The following TASOR2 variants were observed in gnomAD, a reference collection of about 807,000 sequenced individuals.
TASOR2 encodes transcription activation suppressor family member 2, also known as protein TASOR 2.
TASOR2 carries 84 observed loss-of-function variants against 199.5 expected under a neutral mutation model. The ratio of observed to expected loss-of-function variants is 0.42; its 90% CI spans 0.35 to 0.50. The LOEUF is 0.50. Among genes scored for constraint, TASOR2 ranks in the 20% least tolerant of loss-of-function variants. TASOR2 has a pLI of 0.02. For synonymous variants in TASOR2, 1,103 were observed against 1,046.6 expected, an observed-to-expected ratio of 1.05 and a Z score of -1.04; for missense variants, 2,796 against 2,835.9, an observed-to-expected ratio of 0.99 and a Z score of 0.32.
intron 12 of TASOR2, among the ~76,000 whole-genome samples, chr10:5,736,954 TTGTTG>T (rs1835695800): frequency 6.6e-6 from 1 of 151,320 alleles, no homozygotes; most frequent in Admixed American, 6.6e-5. Flanking sequence ...AGAAATTGGA[TTGTTG>T]TTTTGTTTTG....
intron 14 of TASOR2, among the ~76,000 whole-genome samples, chr10:5,745,317 C>T (rs1384286169): frequency 1.3e-5 from 2 of 151,972 alleles, no homozygotes; most frequent in Non-Finnish European, 1.5e-5. Flanking sequence ...CAGTTTCATG[C>T]AAAGAAGATA....
At chr10:5,763,147 A>C in exon 21 of TASOR2, 1 of 976,948 alleles carries the variant, frequency 1.0e-6, no homozygotes, top group Non-Finnish European at 1.5e-6. Context: ...TTGAAAAACC[A>C]ATGTTCTACA....
At chr10:5,732,432 T>C (rs1240834509) in intron 11 of TASOR2, among the ~76,000 whole-genome samples, 1 of 152,264 alleles carries the variant, frequency 6.6e-6, no homozygotes, top group African/African-American at 2.4e-5. Context: ...ACAGAAAAGT[T>C]TGCCAAGCCA....
chr10:5,726,291 G>T (rs975966898), intron 8 of TASOR2, among the ~76,000 whole-genome samples: 3 of 152,100 alleles, frequency 2.0e-5, no homozygotes, highest in African/African-American at 7.2e-5. Flanking sequence ...CTTTTTTCTT[G>T]AGCTCAAGAG....
chr10:5,694,390 AT>A (rs1232036522), intron 1 of TASOR2, among the ~76,000 whole-genome samples: 2 of 152,242 alleles, frequency 1.3e-5, no homozygotes, highest in African/African-American at 4.8e-5. Flanking sequence ...ACCCTACTGT[AT>A]AACAGGCACT....
exon 8 of TASOR2, chr10:5,724,488 G>C (rs1164434417): frequency 7.9e-6 from 12 of 1,516,684 alleles, no homozygotes; most frequent in Non-Finnish European, 1.1e-5. Context: ...ACAGACAAGG[G>C]GAAAATATAG....
chr10:5,756,170 T>C (rs1211640353), intron 15 of TASOR2, among the ~76,000 whole-genome samples: 1 of 152,186 alleles, frequency 6.6e-6, no homozygotes, highest in Non-Finnish European at 1.5e-5. Context: ...GCATCACCTG[T>C]CTTATTCTGA....
exon 20 of TASOR2, chr10:5,762,591 A>G (rs1434264518): frequency 1.3e-6 from 2 of 1,492,166 alleles, no homozygotes; most frequent in African/African-American, 1.4e-5. Context: ...TACAGATGTA[A>G]ATAACTTTAT....
exon 15 of TASOR2, chr10:5,747,430 G>A (rs752617476): frequency 1.2e-6 from 2 of 1,614,068 alleles, no homozygotes; most frequent in African/African-American, 1.3e-5. Flanking sequence ...AAGCAGAGAA[G>A]TGAGTTCTGC....
rs201339737 is a variant in TASOR2 at position 5,748,700 on chromosome 10, C to T, written c.5279C>T (p.Thr1760Ile). 3 of 1,614,210 alleles carry T rather than the reference C, an allele frequency of 1.9e-6. No homozygotes were observed. In the South Asian group the frequency reaches 3.3e-5, roughly 18 times the overall value. The change falls in exon 15 of 21, where the codon ACA becomes ATA. Residue 1760 changes from threonine (T) to isoleucine (I), a missense_variant. Transcript: ENST00000328090. The surrounding 1 kb of genome is among the most constrained non-coding windows in gnomAD (Gnocchi z 5.1). ...CTTTGTGCTGGTCCCTACCAAAATA[C>T]AGCAGACACCAAGGAAAACCTCAGT...
At chr10:5,715,150 A>G (rs1488038761) in intron 2 of TASOR2, among the ~76,000 whole-genome samples, 1 of 152,066 alleles carries the variant, frequency 6.6e-6, no homozygotes, top group Non-Finnish European at 1.5e-5. Flanking sequence ...TATTAGTGCC[A>G]GGTGCTATGT....
chr10:5,686,885 T>G (rs1378624997), intron 1 of TASOR2, among the ~76,000 whole-genome samples: 1 of 152,214 alleles, frequency 6.6e-6, no homozygotes, highest in African/African-American at 2.4e-5. Context: ...ATAATATATT[T>G]TGGTACTTTC....
At chr10:5,758,759 G>A (rs1378354381) in intron 17 of TASOR2, 128 bp from the exon 19 acceptor site, 1 of 661,752 alleles carries the variant, frequency 1.5e-6, no homozygotes, top group Non-Finnish European at 2.6e-6. Flanking sequence ...TGACAGTGAT[G>A]GTGTGTACTC....
intron 1 of TASOR2, among the ~76,000 whole-genome samples, chr10:5,704,685 C>T (rs999815443): frequency 1.3e-5 from 2 of 151,956 alleles, no homozygotes; most frequent in Non-Finnish European, 2.9e-5. Context: ...CTTGAATTGA[C>T]CGTAGCTTAT....
intron 1 of TASOR2, among the ~76,000 whole-genome samples, chr10:5,700,226 T>C (rs953680474): frequency 6.6e-6 from 1 of 152,160 alleles, no homozygotes; most frequent in African/African-American, 2.4e-5. Context: ...TCACTTAACA[T>C]AAAGACCTAC....
At chr10:5,734,153 T>G (rs1835233059) in intron 11 of TASOR2, among the ~76,000 whole-genome samples, 1 of 152,246 alleles carries the variant, frequency 6.6e-6, no homozygotes, top group Non-Finnish European at 1.5e-5. Context: ...TTATTTCATA[T>G]GATATCTTTG....
At chr10:5,686,162 A>G (rs1835793131) in intron 1 of TASOR2, among the ~76,000 whole-genome samples, 1 of 152,236 alleles carries the variant, frequency 6.6e-6, no homozygotes, top group Non-Finnish European at 1.5e-5. Flanking sequence ...CCAGGCCAGA[A>G]AAAGGGTGAC....
chr10:5,701,040 A>C lies in TASOR2; in HGVS notation c.-287-11783A>C, dbSNP rs1263731458. 6.6e-6 allele frequency among the ~76,000 whole-genome samples: 1 copy of C among 151,572 alleles called. No individual in the cohort carries two copies. On this transcript the variant is annotated intron_variant, in intron 1 of 20. Transcript: ENST00000328090. This position sits in a 1 kb window ranked among gnomAD's most constrained non-coding sequence, Gnocchi z 4.9. ...TGGTTGCCTGTGCCTTTGAGGCCTT[A>C]AACAAAAAAAGTTTGGCCAGACTAG...
At chr10:5,735,126 A>G (rs1299159918) in intron 11 of TASOR2, among the ~76,000 whole-genome samples, 178 bp from the exon 13 acceptor site, 2 of 152,110 alleles carry the variant, frequency 1.3e-5, no homozygotes, top group African/African-American at 4.8e-5. Flanking sequence ...TTATGTGAGA[A>G]TGTTTAACTT....
Sources: gnomAD v4.1 joint callset for allele counts (sites outside exome capture counted in the v4.1 genomes callset) on GRCh38, gnomAD v4.1.1 for gene constraint, Gnocchi (gnomAD v3.1) non-coding constraint, MANE v1.5 for transcripts, NCBI Gene and HGNC (gene_info 2026-07-23, HGNC 2026-07-21) for gene names.